The following ARHGEF3 variants were observed in gnomAD, a reference collection of about 807,000 sequenced individuals.
The protein encoded by ARHGEF3 is Rho guanine nucleotide exchange factor 3.
In ARHGEF3, 28 loss-of-function variants were observed where a neutral mutation model predicts 63.2. The ratio of observed to expected loss-of-function variants is 0.44; its 90% CI spans 0.33 to 0.61. The LOEUF is 0.61. ARHGEF3 is among the 20% of genes least tolerant of loss of function. The pLI is 0.03. For missense variants in ARHGEF3, 533 were observed against 659.3 expected (o/e 0.81, Z 2.10); for synonymous variants, 266 against 254.2 (o/e 1.05, Z -0.44).
chr3:56,854,221 G>A (rs890134064), intron 4 of ARHGEF3, among the ~76,000 whole-genome samples: 1 of 151,860 alleles, frequency 6.6e-6, no homozygotes, highest in Non-Finnish European at 1.5e-5. Context: ...AAACAATTAG[G>A]CACAAAAAGG....
At chr3:56,831,401 C>G (rs1378173910) in intron 4 of ARHGEF3, among the ~76,000 whole-genome samples, 1 of 152,140 alleles carries the variant, frequency 6.6e-6, no homozygotes, top group Non-Finnish European at 1.5e-5. Context: ...AGTTAAGAGC[C>G]CTTGTTCTTA....
chr3:56,872,031 A>G (rs1328235650), intron 4 of ARHGEF3, among the ~76,000 whole-genome samples: 1 of 142,054 alleles, frequency 7.0e-6, no homozygotes, highest in Admixed American at 7.1e-5. Context: ...TGTATTACTT[A>G]TTAGACTTGT....
chr3:56,993,677 A>T (rs1701852685), intron 2 of ARHGEF3, among the ~76,000 whole-genome samples: 1 of 151,922 alleles, frequency 6.6e-6, no homozygotes, highest in African/African-American at 2.4e-5. Flanking sequence ...GCCCAGCCTA[A>T]CTTTGGATAC....
intron 2 of ARHGEF3, among the ~76,000 whole-genome samples, chr3:56,964,567 G>C (rs1301125468): frequency 6.6e-6 from 1 of 152,126 alleles, no homozygotes; most frequent in African/African-American, 2.4e-5. Flanking sequence ...TGTCAGGCAT[G>C]GTGCCAGACA....
intron 1 of ARHGEF3, among the ~76,000 whole-genome samples, chr3:57,053,936 G>C (rs1200810192): frequency 1.3e-5 from 2 of 152,132 alleles, no homozygotes; most frequent in African/African-American, 2.4e-5. Flanking sequence ...TCCACCTTTT[G>C]GTAATTATGG....
chr3:56,784,689 G>T (rs1055913262), intron 1 of ARHGEF3, among the ~76,000 whole-genome samples: 3 of 152,164 alleles, frequency 2.0e-5, no homozygotes, highest in African/African-American at 7.2e-5. Flanking sequence ...ACATTTTCTG[G>T]GCTCTCTCAG....
At chr3:56,982,225 C>T (rs908213674) in intron 2 of ARHGEF3, among the ~76,000 whole-genome samples, 1 of 150,994 alleles carries the variant, frequency 6.6e-6, no homozygotes, top group Non-Finnish European at 1.5e-5. Context: ...TATCACTAGA[C>T]TTGCCAGTGA....
chr3:56,992,038 G>C (rs971364038), intron 2 of ARHGEF3, among the ~76,000 whole-genome samples: 32 of 147,018 alleles, frequency 2.2e-4, no homozygotes, highest in African/African-American at 4.8e-4. Context: ...GTGTGTGTGT[G>C]TGTGTGTGTG....
chr3:56,865,343 G>C (rs986803616), intron 4 of ARHGEF3, among the ~76,000 whole-genome samples: 3 of 152,190 alleles, frequency 2.0e-5, no homozygotes, highest in Non-Finnish European at 4.4e-5. Flanking sequence ...AAACAGAGCA[G>C]AGCAAAACAC....
chr3:56,848,853 G>C (rs933995366), intron 4 of ARHGEF3, among the ~76,000 whole-genome samples: 2 of 152,072 alleles, frequency 1.3e-5, no homozygotes, highest in Non-Finnish European at 2.9e-5. Flanking sequence ...ATTTTTAGTA[G>C]AGACGGAGTA....
At chr3:56,945,862 A>C (rs1245811214) in intron 3 of ARHGEF3, among the ~76,000 whole-genome samples, 1 of 152,082 alleles carries the variant, frequency 6.6e-6, no homozygotes, top group Non-Finnish European at 1.5e-5. Context: ...GAGTAACCTA[A>C]CTGGGAGGCA....
chr3:56,891,037 T>C (rs545461096), intron 3 of ARHGEF3, among the ~76,000 whole-genome samples: 1 of 152,326 alleles, frequency 6.6e-6, no homozygotes, highest in East Asian at 1.9e-4. Flanking sequence ...TTTTGTGTTC[T>C]TGTACTTGCC....
At chr3:56,957,053 A>G (rs1234076445) in intron 3 of ARHGEF3, among the ~76,000 whole-genome samples, 1 of 152,216 alleles carries the variant, frequency 6.6e-6, no homozygotes, top group African/African-American at 2.4e-5. Context: ...TCCCAAATAG[A>G]TCTGACCACA....
rs1700719320 is a variant in ARHGEF3 at position 56,968,222 on chromosome 3, TA to T, written c.63-9334del. 7.7e-4 allele frequency among the ~76,000 whole-genome samples: 15 copies of T among 19,572 alleles called. 1 individual carries two copies. The highest frequency in any genetic ancestry group is 6.2e-3 in the Admixed American group (5 of 802). The allele number at this position is 19,572 out of a possible 152,430, so 12.8% of individuals were successfully genotyped here. A position where few individuals can be genotyped will look rare whatever the true frequency, so the allele number is the denominator to read the frequency against. On this transcript the variant is annotated intron_variant, in intron 2 of 12. Transcript: ENST00000338458. The stretch of plus-strand genomic sequence containing the variant: ...AATATATAAAAATATATATTATATA[TA>T]ATATATATATAAATATATATATTAA...
intron 3 of ARHGEF3, among the ~76,000 whole-genome samples, chr3:56,943,854 C>G (rs1241281206): frequency 6.7e-6 from 1 of 149,182 alleles, no homozygotes; most frequent in East Asian, 2.0e-4. Flanking sequence ...GGCAGAGGTG[C>G]AGTGAGCCAG....
At chr3:57,070,928 T>C (rs972491408) in intron 1 of ARHGEF3, among the ~76,000 whole-genome samples, 3 of 142,028 alleles carry the variant, frequency 2.1e-5, no homozygotes, top group Non-Finnish European at 4.5e-5. Flanking sequence ...GCAGTGATCA[T>C]GCCACTGCAC....
intron 3 of ARHGEF3, among the ~76,000 whole-genome samples, chr3:56,953,694 A>G (rs567967775): frequency 2.1e-4 from 32 of 152,090 alleles, no homozygotes; most frequent in Non-Finnish European, 3.8e-4. Flanking sequence ...AAGCCCAGAC[A>G]ATCAGAGTCC....
intron 9 of ARHGEF3, among the ~76,000 whole-genome samples, chr3:56,729,837 C>A (rs978913818): frequency 6.7e-6 from 1 of 148,636 alleles, no homozygotes; most frequent in Non-Finnish European, 1.5e-5. Flanking sequence ...CTGCCCTCGT[C>A]GCTCTCAGAA....
intron 3 of ARHGEF3, among the ~76,000 whole-genome samples, chr3:56,918,349 G>A (rs989955152): frequency 9.9e-5 from 15 of 152,228 alleles, no homozygotes; most frequent in African/African-American, 3.4e-4. Flanking sequence ...GGCATTGTAC[G>A]TTTTATTTCT....
Sources: allele counts gnomAD v4.1 joint callset (sites outside exome capture counted in the v4.1 genomes callset), GRCh38; gene constraint gnomAD v4.1.1; transcripts MANE v1.5; gene names NCBI Gene and HGNC (gene_info 2026-07-23, HGNC 2026-07-21).